MEF2A: variants seen among roughly 807,000 people sequenced by gnomAD.
The protein encoded by MEF2A is myocyte-specific enhancer factor 2A.
A neutral mutation model predicts 55.8 loss-of-function variants in MEF2A; 28 were observed. That is an observed-to-expected ratio of 0.50 (90% CI 0.37 to 0.69). The LOEUF is 0.69. Among genes scored for constraint, MEF2A ranks in the 30% least tolerant of loss-of-function variants. The pLI is 0.00. For missense variants in MEF2A, 528 were observed against 626.2 expected (o/e 0.84, Z 1.67); for synonymous variants, 239 against 227.1 (o/e 1.05, Z -0.47).
chr15:99,664,693 T>C (rs1436552993), intron 4 of MEF2A, among the ~76,000 whole-genome samples: 3 of 152,162 alleles, frequency 2.0e-5, no homozygotes, highest in Non-Finnish European at 4.4e-5. Flanking sequence ...GGGAATAAGG[T>C]CGACTAGGTT....
intron 8 of MEF2A, among the ~76,000 whole-genome samples, chr15:99,691,899 T>G (rs1567460145): frequency 6.6e-6 from 1 of 152,212 alleles, no homozygotes; most frequent in Non-Finnish European, 1.5e-5. Context: ...CTCATTTGTT[T>G]TTGAGTCTTA....
intron 2 of MEF2A, among the ~76,000 whole-genome samples, chr15:99,606,681 A>G (rs1975251290): frequency 6.6e-6 from 1 of 152,206 alleles, no homozygotes; most frequent in South Asian, 2.1e-4. Context: ...ACTAGGCTCC[A>G]CCATATGCCC....
Position 99,675,424 on chromosome 15 carries a change from C to A in MEF2A, c.636C>A (p.Leu212=). ...GTGGGATGTTGAGCACTACAGACCT[C>A]ACAGTGCCAAATGGAGCTGGAAGCA... ...NAGGMLSTTD[L]TVPNGAGSSP... The change falls in exon 7 of 12, where the codon CTC becomes CTA. Residue 212 remains leucine, a synonymous_variant. Transcript: ENST00000557942. The A allele has an allele frequency of 6.2e-7, 1 of 1,613,942 alleles. No individual in the cohort carries two copies. Among genetic ancestry groups the A allele is most frequent in the Non-Finnish European group, 8.5e-7 (1 of 1,179,822 alleles).
chr15:99,683,999 G>T (rs548800926), intron 7 of MEF2A, among the ~76,000 whole-genome samples: 35 of 152,144 alleles, frequency 2.3e-4, no homozygotes, highest in African/African-American at 8.0e-4. Context: ...TAGAATAATG[G>T]TCTCCAGTTC....
intron 1 of MEF2A, among the ~76,000 whole-genome samples, chr15:99,586,032 C>A (rs1480636069): frequency 6.6e-6 from 1 of 152,034 alleles, no homozygotes; most frequent in Non-Finnish European, 1.5e-5. Flanking sequence ...TAGTTTGTTC[C>A]ATTTTTCTGT....
At chr15:99,586,425 G>T (rs574491352) in intron 1 of MEF2A, among the ~76,000 whole-genome samples, 1 of 152,202 alleles carries the variant, frequency 6.6e-6, no homozygotes, top group Non-Finnish European at 1.5e-5. Context: ...CTTCTTTGAT[G>T]ACTAATGATT....
chr15:99,695,541 TTGTGTGTGTG>T (rs3979129), intron 8 of MEF2A, among the ~76,000 whole-genome samples: 1 of 144,776 alleles, frequency 6.9e-6, no homozygotes, highest in African/African-American at 2.5e-5. Context: ...ATTGTCAGAT[TTGTGTGTGTG>T]TGTGTGTGTG....
At chr15:99,661,757 A>G (rs2048681198) in intron 4 of MEF2A, among the ~76,000 whole-genome samples, 2 of 151,982 alleles carry the variant, frequency 1.3e-5, no homozygotes, top group Admixed American at 6.6e-5. Context: ...CACATGTTTT[A>G]TGAACTAATA....
At chr15:99,646,570 T>A (rs2045994706) in intron 4 of MEF2A, among the ~76,000 whole-genome samples, 1 of 152,134 alleles carries the variant, frequency 6.6e-6, no homozygotes, top group South Asian at 2.1e-4. Flanking sequence ...AATAGAAAAG[T>A]ATTAGGCATT....
chr15:99,638,298 T>A (rs1596674039), intron 3 of MEF2A, among the ~76,000 whole-genome samples: 2 of 152,270 alleles, frequency 1.3e-5, no homozygotes, highest in Admixed American at 1.3e-4. Flanking sequence ...TCTTTTCTTT[T>A]GTTGCTTTAA....
intron 3 of MEF2A, among the ~76,000 whole-genome samples, chr15:99,635,394 C>G (rs1596646427): frequency 6.6e-6 from 1 of 152,220 alleles, no homozygotes; most frequent in Admixed American, 6.5e-5. Context: ...TTTACTTCCA[C>G]TTAGAAGCCT....
At chr15:99,613,197 G>C (rs1363319146) in intron 2 of MEF2A, among the ~76,000 whole-genome samples, 1 of 152,156 alleles carries the variant, frequency 6.6e-6, no homozygotes, top group East Asian at 1.9e-4. Context: ...AAGTACTCTT[G>C]CTTGGATATT....
chr15:99,603,278 A>C (rs887404427), intron 2 of MEF2A, among the ~76,000 whole-genome samples: 6 of 151,802 alleles, frequency 4.0e-5, no homozygotes, highest in East Asian at 1.9e-4. Flanking sequence ...ATTTAATTCT[A>C]CTGTTGTCCA....
rs753601031 is a variant in MEF2A at position 99,605,501 on chromosome 15, A to G, written c.-143+6990A>G. On this transcript the variant is annotated intron_variant, in intron 2 of 11. Transcript: ENST00000557942. ...AAGGTGGACATCCAAGCTACCAACA[A>G]TGTTGAAAGCTTAGATTTGTTCAAC... Among the ~76,000 whole-genome samples the G allele has an allele frequency of 5.3e-5, 8 of 152,298 alleles. No homozygotes were observed. In the East Asian group the frequency reaches 5.8e-4, roughly 11 times the overall value.
chr15:99,706,728 G>A lies in MEF2A; in HGVS notation c.883-1G>A. ...ACATTTTCTCTTTTTTGATCTCACAGAATACCCAGAGGATCAGTAGTTCTC... is the reference window on the plus strand; with the variant it reads ...ACATTTTCTCTTTTTTGATCTCACAAAATACCCAGAGGATCAGTAGTTCTC... On this transcript the variant is annotated splice_acceptor_variant, in intron 9 of 11. Transcript: ENST00000557942. LOFTEE classifies it high-confidence loss of function. The A allele has an allele frequency of 6.2e-7, 1 of 1,612,624 alleles. No homozygotes were observed. The highest frequency in any genetic ancestry group is 8.5e-7 in the Non-Finnish European group (1 of 1,178,706).
At chr15:99,567,891 A>G (rs1960426203) in intron 1 of MEF2A, among the ~76,000 whole-genome samples, 1 of 152,162 alleles carries the variant, frequency 6.6e-6, no homozygotes, top group Non-Finnish European at 1.5e-5. Flanking sequence ...ATTGTTGCAA[A>G]AAGTTGTGAT....
chr15:99,594,472 T>C (rs1455439097), intron 1 of MEF2A, among the ~76,000 whole-genome samples: 1 of 119,360 alleles, frequency 8.4e-6, no homozygotes, highest in East Asian at 2.3e-4. Context: ...TTTTTTTTTT[T>C]TTTTTTTTGA....
chr15:99,565,575 A>G (rs1489293569), upstream of MEF2A: 1 of 151,766 alleles, frequency 6.6e-6, no homozygotes, highest in Non-Finnish European at 1.5e-5. Flanking sequence ...TCAAGTGACC[A>G]GTATCCCTTC....
intron 2 of MEF2A, among the ~76,000 whole-genome samples, chr15:99,618,712 A>G (rs193043842): frequency 2.1e-4 from 32 of 152,300 alleles, no homozygotes; most frequent in Non-Finnish European, 4.4e-4. Context: ...TGAGAGTGAG[A>G]AGAGAGAGAA....
Sources: gnomAD v4.1 joint callset for allele counts (sites outside exome capture counted in the v4.1 genomes callset) on GRCh38, gnomAD v4.1.1 for gene constraint, MANE v1.5 for transcripts, NCBI Gene and HGNC (gene_info 2026-07-23, HGNC 2026-07-21) for gene names.